Variants in FAM9A observed in about 807,000 individuals in gnomAD.
The protein encoded by FAM9A is protein FAM9A.
Under a neutral mutation model 25.0 loss-of-function variants are expected in FAM9A, and 49 were observed. The ratio of observed to expected loss-of-function variants is 1.96; its 90% CI spans 1.56 to 2.48. The LOEUF is 2.48. Ranked by LOEUF, FAM9A falls within the 30% of genes most tolerant of loss-of-function variation. The probability of loss-of-function intolerance (pLI) is 0.00; values close to 1 mark genes in which losing one functional copy is unlikely to be tolerated. For missense variants in FAM9A, 266 were observed against 249.3 expected (o/e 1.07, Z -0.45); for synonymous variants, 80 against 85.1 (o/e 0.94, Z 0.33).
intron 5 of FAM9A, 41 bp from the exon 6 acceptor site, chrX:8,796,423 A>G: frequency 1.1e-6 from 1 of 933,462 alleles, no homozygotes; most frequent in Non-Finnish European, 1.5e-6. Flanking sequence ...TAATGTTGAA[A>G]AGTGGTTTCT....
intron 8 of FAM9A, among the ~76,000 whole-genome samples, chrX:8,791,743 G>A (rs765734447): frequency 2.5e-4 from 28 of 111,611 alleles, no homozygotes; most frequent in South Asian, 3.7e-4. Flanking sequence ...AATAGTCTAC[G>A]GAAAGTGGTT....
chrX:8,800,092 G>A lies in FAM9A; in HGVS notation c.80C>T (p.Ala27Val), dbSNP rs148758519. ...CCTTGGGCGTGCACCTTCTTTCGTG[G>A]CCCCCTGGGCGGCCGTAACTTGAGC... ...LEAQVTAAQG[A>V]TKEGSGIASN... The change falls in exon 2 of 10, where the codon GCC becomes GTC. Residue 27 changes from alanine to valine, a missense_variant. By Grantham distance (64) the Ala-to-Val change is moderately conservative (BLOSUM62 0). Coordinates refer to ENST00000381003, the MANE Select transcript of FAM9A (RefSeq NM_174951.3). 5.6e-5 allele frequency: 67 copies of A among 1,205,418 alleles called. No homozygotes were observed. Among genetic ancestry groups the A allele is most frequent in the Non-Finnish European group, 7.3e-5 (65 of 893,418 alleles).
intron 7 of FAM9A, among the ~76,000 whole-genome samples, chrX:8,794,268 A>G (rs1271018442): frequency 2.7e-5 from 3 of 111,423 alleles, no homozygotes; most frequent in African/African-American, 9.8e-5. Context: ...CCTAGATTTT[A>G]TCATTCCCAA....
intron 1 of FAM9A, 47 bp downstream of exon 1, chrX:8,801,264 G>A (rs1933607465): frequency 9.2e-6 from 1 of 108,695 alleles, no homozygotes; most frequent in African/African-American, 3.4e-5. Flanking sequence ...CTGGTTGCGA[G>A]AGGGCCGCAT....
intron 5 of FAM9A, 115 bp downstream of exon 5, chrX:8,798,035 A>G (rs1210994817): frequency 7.4e-6 from 5 of 677,191 alleles, no homozygotes; most frequent in Non-Finnish European, 1.1e-5. Context: ...AATGCTATAT[A>G]TGAGAAGAAG....
Position 8,795,349 on chromosome X carries a change from T to G in FAM9A, c.560A>C (p.Lys187Thr). The G allele has an allele frequency of 8.3e-7, 1 of 1,209,223 alleles. No homozygotes were observed. Among genetic ancestry groups the G allele is most frequent in the Non-Finnish European group, 1.1e-6 (1 of 894,776 alleles). The change falls in exon 7 of 10, where the codon AAA (lysine) becomes ACA (threonine). Residue 187 changes from lysine (K) to threonine (T), a missense_variant. Lys to Thr is a moderately conservative substitution (Grantham distance 78). Coordinates refer to ENST00000381003, the MANE Select transcript of FAM9A (RefSeq NM_174951.3). ...VLKEYIAEKQ[K>T]DDEAEEAEAA... is the part of the protein sequence containing the mutation. ...TTCTGCTTCTTCTGCTTCATCATCT[T>G]TCTGCTTCTCTGCGATGTATTCTTT...
intron 5 of FAM9A, 70 bp from the exon 6 acceptor site, chrX:8,796,452 A>G (rs1933535096): frequency 6.1e-6 from 4 of 651,087 alleles, no homozygotes; most frequent in Non-Finnish European, 9.6e-6. Flanking sequence ...ATTGAAATCA[A>G]CGTGAGATAT....
intron 8 of FAM9A, 74 bp from the exon 9 acceptor site, chrX:8,791,453 T>C: frequency 1.3e-6 from 1 of 777,705 alleles, no homozygotes. Flanking sequence ...TAATCAGATG[T>C]CAAAAGGAAA....
At chrX:8,799,635 C>T (rs1933578395) in intron 2 of FAM9A, among the ~76,000 whole-genome samples, 1 of 69,581 alleles carries the variant, frequency 1.4e-5, no homozygotes, top group African/African-American at 5.6e-5. Context: ...CCTCACCCCA[C>T]GAACCCCACA....
Position 8,795,179 on chromosome X carries a change from C to A in FAM9A, c.730G>T (p.Gly244Ter). 2 of 1,044,091 alleles carry A rather than the reference C, an allele frequency of 1.9e-6. No individual in the cohort carries two copies. Among genetic ancestry groups the A allele is most frequent in the Non-Finnish European group, 2.6e-6 (2 of 767,679 alleles). 86.0% of individuals were successfully genotyped at this position (1,044,091 alleles called of 1,213,427 possible). A position where few individuals can be genotyped will look rare whatever the true frequency, so the allele number is the denominator to read the frequency against. ...EEEEEEGEEEGGGEEGEEGGG... is the reference protein window; with the variant it reads ...EEEEEEGEEE ...CCTTCTTCTCCTTCTTCTCCTCCTC[C>A]TTCTTCTTCTCCTTCTTCTTCCTCC... Residue 244 changes from glycine (G) to a stop codon, truncating the protein, a stop_gained, in exon 7 of 10, where the codon GGA becomes TGA. Transcript: ENST00000381003. LOFTEE classifies it high-confidence loss of function.
chrX:8,798,357 A>T lies in FAM9A; in HGVS notation c.341+2T>A. 8.3e-7 allele frequency: 1 copy of T among 1,211,187 alleles called. No individual in the cohort carries two copies. The highest frequency in any genetic ancestry group is 1.1e-6 in the Non-Finnish European group (1 of 895,455). On this transcript the variant is annotated splice_donor_variant, in intron 4 of 9. Coordinates refer to ENST00000381003, the MANE Select transcript of FAM9A (RefSeq NM_174951.3). LOFTEE classifies it high-confidence loss of function. Reference sequence around the variant, plus strand: ...CAGGCAAAAGTGACTTAAACACTTTACCCCGTGTGTTCATCTTTTTCAGCA... The same window carrying T: ...CAGGCAAAAGTGACTTAAACACTTTTCCCCGTGTGTTCATCTTTTTCAGCA...
Position 8,794,965 on chromosome X carries a change from C to A in FAM9A, c.831+113G>T, listed in dbSNP as rs934430197. On this transcript the variant is annotated intron_variant, in intron 7 of 9. Coordinates refer to ENST00000381003, the MANE Select transcript of FAM9A (RefSeq NM_174951.3). The stretch of plus-strand genomic sequence containing the variant: ...CCTAGTACATGAGTCCACTTATGGG[C>A]CCCCCTCTCTGGGCTCATGCTCTCT... 2.6e-5 allele frequency: 28 copies of A among 1,076,228 alleles called. No individual in the cohort carries two copies. The African/African-American group carries it at 3.9e-4, about 15-fold the overall frequency. 88.7% of individuals were successfully genotyped at this position (1,076,228 alleles called of 1,213,427 possible).
At chrX:8,793,992 C>T (rs1933498346) in intron 7 of FAM9A, among the ~76,000 whole-genome samples, 1 of 112,295 alleles carries the variant, frequency 8.9e-6, no homozygotes, top group Non-Finnish European at 1.9e-5. Flanking sequence ...ACATAATCAA[C>T]ACATATGTCT....
At position 8,799,079 on chromosome X, in the gene FAM9A, G is replaced by A; in HGVS notation, c.107C>T (p.Ser36Phe). 2 of 1,210,263 alleles carry A rather than the reference G, an allele frequency of 1.7e-6. No individual in the cohort carries two copies. The highest frequency in any genetic ancestry group is 2.2e-6 in the Non-Finnish European group (2 of 894,388). Residue 36 changes from serine to phenylalanine, a missense_variant, in exon 3 of 10, where the codon TCT (serine) becomes TTT (phenylalanine). Coordinates refer to ENST00000381003, the MANE Select transcript of FAM9A (RefSeq NM_174951.3). ...GATKEGSGIA[S>F]NFPGQPTMEP... ...CATGGTTGGCTGTCCTGGGAAGTTA[G>A]AGGCGATCCCTGAACCTGGTTGAGT... is the stretch of plus-strand genomic sequence containing the variant.
In FAM9A at chrX:8,793,668, T is replaced by C; in HGVS notation, c.920A>G (p.Gln307Arg). 4 of 1,208,375 alleles carry C rather than the reference T, an allele frequency of 3.3e-6. No homozygotes were observed. The highest frequency in any genetic ancestry group is 4.5e-6 in the Non-Finnish European group (4 of 892,530). The change falls in exon 8 of 10, where the codon CAA becomes CGA. Residue 307 changes from glutamine to arginine, a missense_variant. Transcript: ENST00000381003. ...CCAAATAGAACAGACCTTTAGTAAT[T>C]GCTCAAGTAGCGGCTTCATCTCTCT... is the stretch of plus-strand genomic sequence containing the variant. ...RLREMKPLLE[Q>R]LLKAAKDTKD... is the part of the protein sequence containing the mutation.
Position 8,798,180 on chromosome X carries a change from T to A in FAM9A, c.343A>T (p.Ile115Phe). Residue 115 changes from isoleucine to phenylalanine, a missense_variant and splice_region_variant, in exon 5 of 10, where the codon ATT (isoleucine) becomes TTT (phenylalanine). Ile to Phe is a conservative substitution (Grantham distance 21). Coordinates refer to ENST00000381003, the MANE Select transcript of FAM9A (RefSeq NM_174951.3). Reference protein sequence around the residue: ...PFAEKDEHTGIHTMKLEHIAA... With the variant: ...PFAEKDEHTGFHTMKLEHIAA... ...ATATGTTCTAGCTTCATGGTATGAA[T>A]CCTGTAAAAAAAGTTACATCAAAAT... is the stretch of plus-strand genomic sequence containing the variant. 8.3e-7 allele frequency: 1 copy of A among 1,206,160 alleles called. No individual in the cohort carries two copies. The highest frequency in any genetic ancestry group is 3.0e-5 in the East Asian group (1 of 33,778).
rs765733802 is a variant in FAM9A, at chrX:8,796,388, T to G, written c.374-6A>C. 8.9e-6 allele frequency: 10 copies of G among 1,120,987 alleles called. No individual in the cohort carries two copies. Among genetic ancestry groups the G allele is most frequent in the African/African-American group, 5.5e-5 (3 of 54,875 alleles). The allele number at this position is 1,120,987 out of a possible 1,213,427, so 92.4% of individuals were successfully genotyped here. A position where few individuals can be genotyped will look rare whatever the true frequency, so the allele number is the denominator to read the frequency against. ...AAGGCCCTTTTTAATGTCAGCTAGA[T>G]AGTAAATGAAAATGCATTAAAAGTT... On this transcript the variant is annotated splice_polypyrimidine_tract_variant and splice_region_variant and intron_variant, in intron 5 of 9. Coordinates refer to ENST00000381003, the MANE Select transcript of FAM9A (RefSeq NM_174951.3).
intron 5 of FAM9A, among the ~76,000 whole-genome samples, 196 bp from the exon 6 acceptor site, chrX:8,796,578 C>G (rs1310318061): frequency 8.9e-6 from 1 of 111,806 alleles, no homozygotes; most frequent in Non-Finnish European, 1.9e-5. Context: ...TATTAGTACT[C>G]TAATTCCAAT....
intron 8 of FAM9A, among the ~76,000 whole-genome samples, chrX:8,792,587 A>C (rs1241972686): frequency 8.9e-6 from 1 of 111,893 alleles, no homozygotes; most frequent in Non-Finnish European, 1.9e-5. Context: ...ATTGACAGGA[A>C]AACTTCTAGT....
Sources: allele counts gnomAD v4.1 joint callset (sites outside exome capture counted in the v4.1 genomes callset), GRCh38; gene constraint gnomAD v4.1.1; transcripts MANE v1.5; gene names NCBI Gene and HGNC (gene_info 2026-07-23, HGNC 2026-07-21).